Variants in NXPE2 observed in about 807,000 individuals in gnomAD.
The protein encoded by NXPE2 is NXPE family member 2.
Under a neutral mutation model 34.4 loss-of-function variants are expected in NXPE2, and 34 were observed. The ratio of observed to expected loss-of-function variants is 0.99; its 90% CI spans 0.75 to 1.31. The LOEUF (loss-of-function observed/expected upper bound fraction) is 1.31, where lower values mean the gene tolerates loss of function less well. Among genes scored for constraint, NXPE2 ranks in the 40% most tolerant of loss-of-function variants. The pLI, the probability that NXPE2 is intolerant of heterozygous loss-of-function variation, is 0.00. For synonymous variants in NXPE2, 235 were observed against 231.3 expected, an observed-to-expected ratio of 1.02 and a Z score of -0.15; for missense variants, 649 against 672.5, an observed-to-expected ratio of 0.97 and a Z score of 0.39.
At chr11:114,781,462 A>C in the NXPE2 span, among the ~76,000 whole-genome samples, 3 of 152,216 alleles carry the variant, frequency 2.0e-5, no homozygotes, top group Admixed American at 6.5e-5. Context: ...GGATGGGATT[A>C]ATCTGGGAAG....
the NXPE2 span, among the ~76,000 whole-genome samples, chr11:114,505,739 G>C: frequency 2.6e-5 from 4 of 152,144 alleles, no homozygotes; most frequent in African/African-American, 9.7e-5. Context: ...AATATGGAAA[G>C]GAAAGACTGT....
the NXPE2 span, among the ~76,000 whole-genome samples, chr11:114,802,890 T>C: frequency 0.11 from 13,332 of 121,878 alleles, 626 homozygotes; most frequent in East Asian, 0.21. Context: ...GTCATGGAAA[T>C]AAAAAAGATA....
the NXPE2 span, among the ~76,000 whole-genome samples, chr11:114,670,454 G>A: frequency 2.6e-5 from 4 of 152,026 alleles, no homozygotes; most frequent in Non-Finnish European, 4.4e-5. Context: ...CAGCACTGAA[G>A]TGGCCCTTGT....
the NXPE2 span, among the ~76,000 whole-genome samples, chr11:114,547,335 A>G: frequency 1.2e-4 from 19 of 152,246 alleles, no homozygotes; most frequent in African/African-American, 4.6e-4. Flanking sequence ...GAGAAAAATA[A>G]CAGACAAACT....
At chr11:114,562,065 G>T in the NXPE2 span, among the ~76,000 whole-genome samples, 1 of 152,052 alleles carries the variant, frequency 6.6e-6, no homozygotes, top group African/African-American at 2.4e-5. Context: ...CTAAATTCTT[G>T]TATCAACTGT....
the NXPE2 span, among the ~76,000 whole-genome samples, chr11:114,591,345 T>G: frequency 6.6e-6 from 1 of 152,206 alleles, no homozygotes; most frequent in African/African-American, 2.4e-5. Flanking sequence ...TTACTACTAA[T>G]GAATCTACTA....
the NXPE2 span, among the ~76,000 whole-genome samples, chr11:114,657,009 G>T: frequency 6.6e-6 from 1 of 152,148 alleles, no homozygotes; most frequent in Non-Finnish European, 1.5e-5. Flanking sequence ...CAGGAGAATG[G>T]CATGAACCTG....
chr11:114,792,260 G>A, the NXPE2 span, among the ~76,000 whole-genome samples: 15 of 152,006 alleles, frequency 9.9e-5, no homozygotes, highest in African/African-American at 3.4e-4. Context: ...TTCTTGCCCC[G>A]TATTAAAATT....
chr11:114,480,436 T>C, the NXPE2 span, among the ~76,000 whole-genome samples: 1 of 152,148 alleles, frequency 6.6e-6, no homozygotes, highest in East Asian at 1.9e-4. Context: ...TTTGCTAAGC[T>C]AAAAAGACGT....
At chr11:114,600,997 GA>G in the NXPE2 span, among the ~76,000 whole-genome samples, 19 of 151,840 alleles carry the variant, frequency 1.3e-4, no homozygotes, top group African/African-American at 4.6e-4. Flanking sequence ...CCATCATTTC[GA>G]ACAGGTTGAT....
chr11:114,517,405 G>A, the NXPE2 span, among the ~76,000 whole-genome samples: 453 of 152,198 alleles, frequency 3.0e-3, 3 homozygotes, highest in African/African-American at 0.011. Flanking sequence ...TTGGTCCCTT[G>A]TTCATAGATG....
At chr11:114,727,172 A>G in the NXPE2 span, among the ~76,000 whole-genome samples, 1 of 152,074 alleles carries the variant, frequency 6.6e-6, no homozygotes, top group African/African-American at 2.4e-5. Flanking sequence ...TGCTGTAACA[A>G]AACACTATAT....
At chr11:114,519,695 A>T in the NXPE2 span, among the ~76,000 whole-genome samples, 161 of 152,150 alleles carry the variant, frequency 1.1e-3, no homozygotes, top group African/African-American at 3.8e-3. Context: ...AGTGGTGCAG[A>T]GGCTTCAGAG....
the NXPE2 span, among the ~76,000 whole-genome samples, chr11:114,505,767 C>G: frequency 3.9e-5 from 6 of 152,260 alleles, no homozygotes; most frequent in East Asian, 7.7e-4. Flanking sequence ...CACTAAAAAA[C>G]ACACTGAAGT....
At chr11:114,786,784 C>T in the NXPE2 span, among the ~76,000 whole-genome samples, 8 of 151,532 alleles carry the variant, frequency 5.3e-5, no homozygotes, top group South Asian at 1.3e-3. Context: ...AGCTGCCCCA[C>T]ACAGACAGCC....
At chr11:114,658,953 T>G in the NXPE2 span, among the ~76,000 whole-genome samples, 17 of 152,100 alleles carry the variant, frequency 1.1e-4, no homozygotes, top group Non-Finnish European at 2.1e-4. Context: ...AGAGGCTCTT[T>G]CTGGGACATT....
chr11:114,813,663 T>G, the NXPE2 span, among the ~76,000 whole-genome samples: 5 of 152,362 alleles, frequency 3.3e-5, no homozygotes, highest in Middle Eastern at 3.4e-3. Context: ...ATCTGTCAAA[T>G]GCTACAAATG....
chr11:114,803,029 T>C, the NXPE2 span, among the ~76,000 whole-genome samples: 4 of 152,124 alleles, frequency 2.6e-5, no homozygotes, highest in African/African-American at 9.7e-5. Flanking sequence ...GATCAGCATC[T>C]CTCAAGGAAG....
chr11:114,487,942 C>G, the NXPE2 span, among the ~76,000 whole-genome samples: 1 of 152,082 alleles, frequency 6.6e-6, no homozygotes, highest in Admixed American at 6.6e-5. Flanking sequence ...CAATGTTTAT[C>G]AGTGATATTG....
Sources: allele counts gnomAD v4.1 joint callset (sites outside exome capture counted in the v4.1 genomes callset), GRCh38; gene constraint gnomAD v4.1.1; transcripts MANE v1.5; gene names NCBI Gene and HGNC (gene_info 2026-07-23, HGNC 2026-07-21).